NCAPD2: variants seen among roughly 807,000 people sequenced by gnomAD.
NCAPD2 encodes the protein condensin complex subunit 1.
Under a neutral mutation model 164.5 loss-of-function variants are expected in NCAPD2, and 100 were observed. The ratio of observed to expected loss-of-function variants is 0.61; its 90% CI spans 0.52 to 0.72. The LOEUF (loss-of-function observed/expected upper bound fraction) is 0.72, where lower values mean the gene tolerates loss of function less well. Ranked by LOEUF, NCAPD2 falls within the 30% of genes least tolerant of loss-of-function variation. The pLI is 0.00. For synonymous variants in NCAPD2, 585 were observed against 642.6 expected, an observed-to-expected ratio of 0.91 and a Z score of 1.36; for missense variants, 1,560 against 1,749.2, an observed-to-expected ratio of 0.89 and a Z score of 1.93.
intron 17 of NCAPD2, 49 bp downstream of exon 17, chr12:6,523,395 G>GTT (rs764714038): frequency 1.8e-3 from 1,537 of 862,372 alleles, no homozygotes; most frequent in Admixed American, 3.5e-3. Context: ...AAGTATTTTG[G>GTT]TTGTTTTTTT....
At chr12:6,500,631 C>G (rs1352252333) in intron 2 of NCAPD2, among the ~76,000 whole-genome samples, 1 of 152,174 alleles carries the variant, frequency 6.6e-6, no homozygotes, top group African/African-American at 2.4e-5. Context: ...CCCAGGATGT[C>G]AAAGCTGCTG....
intron 2 of NCAPD2, among the ~76,000 whole-genome samples, chr12:6,498,681 C>T (rs576577363): frequency 6.6e-6 from 1 of 152,004 alleles, no homozygotes; most frequent in African/African-American, 2.4e-5. Flanking sequence ...GATCTCAGCT[C>T]ACTGCAACCT....
At position 6,526,552 on chromosome 12, in the gene NCAPD2, C is replaced by T; in HGVS notation, c.2671C>T (p.Gln891Ter). Reference protein sequence around the residue: ...GPEVICAQILQGCAKQALEKL... With the variant: ...GPEVICAQIL Reference sequence around the variant, plus strand: ...CGAAGTGATCTGTGCCCAGATATTGCAGGGCTGTGCAAAACAGGCCCTGGA... The same window carrying T: ...CGAAGTGATCTGTGCCCAGATATTGTAGGGCTGTGCAAAACAGGCCCTGGA... The change falls in exon 21 of 32, where the codon CAG (glutamine) becomes TAG (stop). Residue 891 changes from glutamine to a stop codon, truncating the protein, a stop_gained. Coordinates refer to ENST00000315579, the MANE Select transcript of NCAPD2 (RefSeq NM_014865.4). LOFTEE classifies it high-confidence loss of function. The T allele has an allele frequency of 6.2e-7, 1 of 1,614,134 alleles. No homozygotes were observed. Among genetic ancestry groups the T allele is most frequent in the South Asian group, 1.1e-5 (1 of 91,066 alleles).
intron 13 of NCAPD2, among the ~76,000 whole-genome samples, chr12:6,520,661 G>A (rs1202342850): frequency 6.6e-6 from 1 of 152,112 alleles, no homozygotes; most frequent in African/African-American, 2.4e-5. Context: ...CTAAACTTAG[G>A]AAAGTTTTTA....
At chr12:6,513,715 C>CTTTTGTTTTTTTTTTTTTTTTTTTT (rs1946171887) in intron 6 of NCAPD2, among the ~76,000 whole-genome samples, 1 of 74,894 alleles carries the variant, frequency 1.3e-5, no homozygotes, top group African/African-American at 5.9e-5. Flanking sequence ...GTGACTTTGT[C>CTTTTGTTTTTTTTTTTTTTTTTTTT]TTTTTTTTTT....
Position 6,529,680 on chromosome 12 carries a change from C to T in NCAPD2, c.3653+87C>T, listed in dbSNP as rs1012371429. On this transcript the variant is annotated intron_variant, in intron 28 of 31. Transcript: ENST00000315579. ...ATCCCTCACCCCTTCAATGCCCCCA[C>T]TGTGGCATCCCTGGGACTGGGGAGG... 2.2e-5 allele frequency: 35 copies of T among 1,596,576 alleles called. No homozygotes were observed. In the East Asian group the frequency reaches 7.4e-4, roughly 34 times the overall value.
Position 6,528,466 on chromosome 12 carries a change from GC to G in NCAPD2, c.3299+142del. The G allele has an allele frequency of 7.8e-7, 1 of 1,287,658 alleles. No homozygotes were observed. 79.8% of individuals were successfully genotyped at this position (1,287,658 alleles called of 1,614,324 possible). A position where few individuals can be genotyped will look rare whatever the true frequency, so the allele number is the denominator to read the frequency against. ...TCTGCTTGATACTTGACCTGTACAG[GC>G]CCCTGGCTAAGAGTCACCCCAGTGG... On this transcript the variant is annotated intron_variant, in intron 25 of 31. Transcript: ENST00000315579. The surrounding 1 kb of genome is among the most constrained non-coding windows in gnomAD (Gnocchi z 5.1).
Position 6,503,008 on chromosome 12 carries a change from C to CTTT in NCAPD2, c.128-6690_128-6688dup, listed in dbSNP as rs58563520. Among the ~76,000 whole-genome samples the CTTT allele has an allele frequency of 5.9e-4, 51 of 86,290 alleles. 1 individual carries two copies. The highest frequency in any genetic ancestry group is 7.6e-4 in the Non-Finnish European group (33 of 43,688). 56.6% of individuals were successfully genotyped at this position (86,290 alleles called of 152,430 possible). ...TACAGGCGCATGCCACCACACCTGG[C>CTTT]TTTTTTTTTTTTTTTTTTTTTGTAT... On this transcript the variant is annotated intron_variant, in intron 2 of 31. Transcript: ENST00000315579.
At chr12:6,495,322 C>A in intron 2 of NCAPD2, 97 bp downstream of exon 2, 1 of 1,443,292 alleles carries the variant, frequency 6.9e-7, no homozygotes, top group Non-Finnish European at 9.5e-7. Context: ...CACCAGGAAG[C>A]ATCATAAGAG....
rs186522368 is a variant in NCAPD2 at position 6,513,622 on chromosome 12, T to C, written c.588-643T>C. Among the ~76,000 whole-genome samples, 3 of 152,090 alleles carry C rather than the reference T, an allele frequency of 2.0e-5. No homozygotes were observed. The East Asian group carries it at 5.8e-4, about 29-fold the overall frequency. On this transcript the variant is annotated intron_variant, in intron 6 of 31. Coordinates refer to ENST00000315579, the MANE Select transcript of NCAPD2 (RefSeq NM_014865.4). Reference sequence around the variant, plus strand: ...TATATTTCAAGGAGAAAGTGAGTGATTAACTGTATCACATGCAGCTGTGAA... The same window carrying C: ...TATATTTCAAGGAGAAAGTGAGTGACTAACTGTATCACATGCAGCTGTGAA...
intron 9 of NCAPD2, among the ~76,000 whole-genome samples, chr12:6,515,235 C>T (rs770332821): frequency 3.9e-5 from 6 of 151,968 alleles, no homozygotes; most frequent in Non-Finnish European, 7.4e-5. Context: ...CTCTGTCACC[C>T]ATGCTGGAGC....
At chr12:6,500,299 G>A (rs1946022859) in intron 2 of NCAPD2, among the ~76,000 whole-genome samples, 1 of 152,050 alleles carries the variant, frequency 6.6e-6, no homozygotes, top group South Asian at 2.1e-4. Flanking sequence ...GAAGATAGTA[G>A]GACCTGTCAT....
chr12:6,511,248 G>T lies in NCAPD2; in HGVS notation c.583G>T (p.Val195Phe), dbSNP rs761438809. The change falls in exon 6 of 32, where the codon GTC becomes TTC. Residue 195 changes from valine to phenylalanine, a missense_variant. By Grantham distance (50) the Val-to-Phe change is conservative (BLOSUM62 -1). Transcript: ENST00000315579. ...CCACTCAATAATTGAAGAAGAATTT[G>T]TCAGGTGGGTAGGGAGGATGGCTAC... ...WNHSIIEEEFVSLVTGCCYRL... is the reference protein window; with the variant it reads ...WNHSIIEEEFFSLVTGCCYRL... 5 of 1,614,188 alleles carry T rather than the reference G, an allele frequency of 3.1e-6. No individual in the cohort carries two copies. Among genetic ancestry groups the T allele is most frequent in the Admixed American group, 3.3e-5 (2 of 60,028 alleles).
At chr12:6,511,358 G>GTGAAGCTCTGTCCC in intron 6 of NCAPD2, 106 bp downstream of exon 6, 1 of 1,329,534 alleles carries the variant, frequency 7.5e-7, no homozygotes, top group East Asian at 2.4e-5. Context: ...GGGGGACAGA[G>GTGAAGCTCTGTCCC]CTTCACTCTT....
chr12:6,519,571 C>T (rs76074121), intron 13 of NCAPD2, among the ~76,000 whole-genome samples: 99 of 152,300 alleles, frequency 6.5e-4, no homozygotes, highest in African/African-American at 2.3e-3. Context: ...GCCTGGGCAA[C>T]GTGGCAAGAA....
At position 6,529,517 on chromosome 12, in the gene NCAPD2, CTCCTCT is replaced by C. The variant is rs1946351662; in HGVS notation, c.3578_3583del (p.Leu1193_Ser1195delinsPro). The C allele has an allele frequency of 1.2e-6, 2 of 1,614,018 alleles. No individual in the cohort carries two copies. Among genetic ancestry groups the C allele is most frequent in the Non-Finnish European group, 1.7e-6 (2 of 1,179,920 alleles). On this transcript the variant is annotated inframe_deletion, in exon 28 of 32. Coordinates refer to ENST00000315579, the MANE Select transcript of NCAPD2 (RefSeq NM_014865.4). ...CCTCATCTCCCCTTCCTGCAGACAG[CTCCTCT>C]CCTACATCACCAAGGACAAGCAGAC...
At chr12:6,518,504 GTTTTTTTTTTTTT>G (rs56183938) in intron 13 of NCAPD2, among the ~76,000 whole-genome samples, 3 of 44,780 alleles carry the variant, frequency 6.7e-5, no homozygotes, top group South Asian at 1.7e-3. Flanking sequence ...CCGTCAACAA[GTTTTTTTTTTTTT>G]TTTTTTTTTT....
At position 6,530,977 on chromosome 12, in the gene NCAPD2, G is replaced by C. The variant is rs202123025; in HGVS notation, c.4021G>C (p.Glu1341Gln). Residue 1341 changes from glutamate (E) to glutamine (Q), a missense_variant, in exon 31 of 32, where the codon GAG becomes CAG. Physicochemically the swap from Glu to Gln is conservative, Grantham distance 29 (BLOSUM62 2). Coordinates refer to ENST00000315579, the MANE Select transcript of NCAPD2 (RefSeq NM_014865.4). ...TASDNDFVTPEPRRTTRRHPN... is the reference protein window; with the variant it reads ...TASDNDFVTPQPRRTTRRHPN... ...CTCAGACAATGACTTTGTCACACCA[G>C]AGCCCCGCCGTACTACCCGTCGGCA... is the stretch of plus-strand genomic sequence containing the variant. 33 of 1,614,162 alleles carry C rather than the reference G, an allele frequency of 2.0e-5. No homozygotes were observed. In the East Asian group the frequency reaches 6.9e-4, roughly 34 times the overall value.
At chr12:6,506,419 T>C (rs1028364606) in intron 2 of NCAPD2, among the ~76,000 whole-genome samples, 2 of 151,922 alleles carry the variant, frequency 1.3e-5, no homozygotes, top group African/African-American at 4.8e-5. Flanking sequence ...AAACCCCGTC[T>C]CTACTAAAAA....
Sources: allele counts gnomAD v4.1 joint callset (sites outside exome capture counted in the v4.1 genomes callset), GRCh38; gene constraint gnomAD v4.1.1; non-coding constraint Gnocchi (gnomAD v3.1); transcripts MANE v1.5; gene names NCBI Gene and HGNC (gene_info 2026-07-23, HGNC 2026-07-21).